Variants in RNPC3 observed in about 807,000 individuals in gnomAD.
RNPC3 encodes RNA-binding region-containing protein 3.
Under a neutral mutation model 67.5 loss-of-function variants are expected in RNPC3, and 48 were observed. That is an observed-to-expected ratio of 0.71 (90% CI 0.56 to 0.90). The LOEUF (loss-of-function observed/expected upper bound fraction) is 0.90. RNPC3 is among the 40% of genes least tolerant of loss of function. The pLI is 0.00. For missense variants in RNPC3, 637 were observed against 626.1 expected (o/e 1.02, Z -0.19); for synonymous variants, 239 against 210.3 (o/e 1.14, Z -1.18).
intron 7 of RNPC3, among the ~76,000 whole-genome samples, chr1:103,539,059 G>A (rs1348839142): frequency 2.0e-5 from 3 of 152,170 alleles, no homozygotes; most frequent in Non-Finnish European, 4.4e-5. Flanking sequence ...TACCTAATGA[G>A]TTGGTGTGGC....
intron 14 of RNPC3, chr1:103,552,762 C>T (rs1651428116): frequency 6.7e-6 from 1 of 148,408 alleles, no homozygotes; most frequent in Admixed American, 6.7e-5. Context: ...AAGACTCCAT[C>T]TCAAAAAAAA....
Position 103,526,190 on chromosome 1 carries a change from TGAG to T in RNPC3, c.124_126del (p.Glu42del). 7.1e-6 allele frequency: 11 copies of T among 1,551,458 alleles called. No individual in the cohort carries two copies. The highest frequency in any genetic ancestry group is 2.7e-5 in the African/African-American group (2 of 73,140). On this transcript the variant is annotated inframe_deletion, in exon 1 of 15. Coordinates refer to ENST00000423855, the MANE Select transcript of RNPC3 (RefSeq NM_017619.4). ...GGCACCTGCCGGCTGAGCTTACTGC[TGAG>T]GAGAAAGAGGACTTGCTGAAGTACT...
At chr1:103,530,020 C>T (rs1428127507) in intron 2 of RNPC3, among the ~76,000 whole-genome samples, 1 of 151,958 alleles carries the variant, frequency 6.6e-6, no homozygotes, top group Non-Finnish European at 1.5e-5. Context: ...CCTTATGATC[C>T]GAGATGAATC....
At position 103,541,441 on chromosome 1, in the gene RNPC3, G is replaced by C; in HGVS notation, c.859G>C (p.Asp287His). ...RHVRKKRKIK[D>H]MLNTPLCPSH... ...TGTGAGAAAAAAGAGAAAAATAAAG[G>C]ATATGTTGAATACACCTTTGTGTCC... Residue 287 changes from aspartate to histidine, a missense_variant, in exon 8 of 15, where the codon GAT becomes CAT. Asp to His is a moderately conservative substitution (Grantham distance 81). Transcript: ENST00000423855. 2 of 1,493,028 alleles carry C rather than the reference G, an allele frequency of 1.3e-6. No individual in the cohort carries two copies. Among genetic ancestry groups the C allele is most frequent in the Non-Finnish European group, 1.8e-6 (2 of 1,132,114 alleles). 92.5% of individuals were successfully genotyped at this position (1,493,028 alleles called of 1,614,324 possible).
At chr1:103,546,126 T>G (rs1651238076) in intron 10 of RNPC3, 122 bp from the exon 11 acceptor site, 2 of 439,828 alleles carry the variant, frequency 4.5e-6, no homozygotes. Context: ...AAGTGAAAAT[T>G]TTAACATTTT....
At chr1:103,539,886 A>G (rs551023480) in intron 7 of RNPC3, among the ~76,000 whole-genome samples, 3 of 152,230 alleles carry the variant, frequency 2.0e-5, no homozygotes, top group South Asian at 2.1e-4. Flanking sequence ...TTTTTAAGAC[A>G]GGGTCTTACT....
In RNPC3 at chr1:103,541,428, G is replaced by A. The variant is rs1343989997; in HGVS notation, c.846G>A (p.Lys282=). 1 of 1,493,122 alleles carries A rather than the reference G, an allele frequency of 6.7e-7. No individual in the cohort carries two copies. Among genetic ancestry groups the A allele is most frequent in the Non-Finnish European group, 8.8e-7 (1 of 1,132,820 alleles). 92.5% of individuals were successfully genotyped at this position (1,493,122 alleles called of 1,614,324 possible). A position where few individuals can be genotyped will look rare whatever the true frequency, so the allele number is the denominator to read the frequency against. The change falls in exon 8 of 15, where the codon AAG becomes AAA. Residue 282 remains lysine (K), a synonymous_variant. Transcript: ENST00000423855. The stretch of plus-strand genomic sequence containing the variant: ...TAAAGCAGCGCCATGTGAGAAAAAA[G>A]AGAAAAATAAAGGATATGTTGAATA... ...KTIKQRHVRK[K]RKIKDMLNTP...
intron 2 of RNPC3, among the ~76,000 whole-genome samples, chr1:103,531,862 GTTGCAT>G (rs1219168771): frequency 6.6e-6 from 1 of 151,976 alleles, no homozygotes; most frequent in Non-Finnish European, 1.5e-5. Context: ...CTTTGTTTTT[GTTGCAT>G]TTGCTTTTGG....
intron 6 of RNPC3, among the ~76,000 whole-genome samples, chr1:103,536,553 T>A (rs1324328550): frequency 6.6e-6 from 1 of 152,178 alleles, no homozygotes; most frequent in East Asian, 1.9e-4. Flanking sequence ...AGGGAGCTGA[T>A]ATTTTTATTA....
rs943769821 is a variant in RNPC3, at chr1:103,526,276, C to G, written c.192+14C>G. 3 of 1,514,616 alleles carry G rather than the reference C, an allele frequency of 2.0e-6. No homozygotes were observed. In the African/African-American group the frequency reaches 4.2e-5, roughly 21 times the overall value. 93.8% of individuals were successfully genotyped at this position (1,514,616 alleles called of 1,614,324 possible). A position where few individuals can be genotyped will look rare whatever the true frequency, so the allele number is the denominator to read the frequency against. ...AAGGGGCGACTGGTAAGGGCGCGCC[C>G]CTCCGGAGTCTCCCGGGAAGGCATT... On this transcript the variant is annotated intron_variant, in intron 1 of 14. Coordinates refer to ENST00000423855, the MANE Select transcript of RNPC3 (RefSeq NM_017619.4).
Position 103,537,431 on chromosome 1 carries a change from A to C in RNPC3, c.714A>C (p.Glu238Asp). The C allele has an allele frequency of 6.5e-7, 1 of 1,536,758 alleles. No individual in the cohort carries two copies. Among genetic ancestry groups the C allele is most frequent in the Non-Finnish European group, 8.7e-7 (1 of 1,146,608 alleles). ...CTCCTTTGCCAGACGAGGATGAGGA[A>C]TTATCTAGTGAAGAATCAGAATATG... ...EEPPLPDEDEELSSEESEYES... is the reference protein window; with the variant it reads ...EEPPLPDEDEDLSSEESEYES... The change falls in exon 7 of 15, where the codon GAA becomes GAC. Residue 238 changes from glutamate (E) to aspartate (D), a missense_variant. Coordinates refer to ENST00000423855, the MANE Select transcript of RNPC3 (RefSeq NM_017619.4).
chr1:103,533,650 C>CA lies in RNPC3; in HGVS notation c.241-75dup, dbSNP rs61717825. The CA allele has an allele frequency of 8.8e-3, 5,458 of 617,166 alleles. 2 individuals carry two copies. The highest frequency in any genetic ancestry group is 0.031 in the East Asian group (1,009 of 32,740). 38.2% of individuals were successfully genotyped at this position (617,166 alleles called of 1,614,324 possible). ...GTCAAGGAACTGTTTACAGCATTAG[C>CA]AAAAAAAAAAAAAAGTATAAAAATT... On this transcript the variant is annotated intron_variant, in intron 2 of 14. Transcript: ENST00000423855.
intron 4 of RNPC3, 131 bp downstream of exon 4, chr1:103,534,988 A>T: frequency 1.8e-6 from 1 of 555,874 alleles, no homozygotes; most frequent in Non-Finnish European, 3.1e-6. Context: ...ATATTGTGTT[A>T]TATACAGATA....
At chr1:103,540,480 C>T (rs981607259) in intron 7 of RNPC3, among the ~76,000 whole-genome samples, 1 of 152,058 alleles carries the variant, frequency 6.6e-6, no homozygotes, top group African/African-American at 2.4e-5. Context: ...TTTGGGTCAG[C>T]AATTTATAAA....
chr1:103,547,186 CTAGAA>C (rs771036472), intron 12 of RNPC3, among the ~76,000 whole-genome samples, 151 bp downstream of exon 12: 1 of 152,066 alleles, frequency 6.6e-6, no homozygotes, highest in African/African-American at 2.4e-5. Context: ...TTTTAGATGT[CTAGAA>C]TAGGAGTTGG....
chr1:103,536,366 C>T (rs988187404), intron 6 of RNPC3, among the ~76,000 whole-genome samples, 172 bp downstream of exon 6: 5 of 152,136 alleles, frequency 3.3e-5, no homozygotes, highest in African/African-American at 7.2e-5. Context: ...GAGTAAAAGC[C>T]GGAATATGAA....
chr1:103,543,267 A>G, intron 8 of RNPC3, 29 bp from the exon 9 acceptor site: 1 of 1,354,624 alleles, frequency 7.4e-7, no homozygotes, highest in Non-Finnish European at 9.5e-7. Flanking sequence ...TTGCAATTAC[A>G]AACTAATGCT....
intron 14 of RNPC3, chr1:103,554,083 G>A (rs1651470075): frequency 6.6e-6 from 1 of 152,248 alleles, no homozygotes; most frequent in African/African-American, 2.4e-5. Context: ...AAAGGGTGCA[G>A]TGGCTCATAC....
rs1352615773 is a variant in RNPC3, at chr1:103,545,085, G to A, written c.1190G>A (p.Gly397Asp). 5.9e-6 allele frequency: 9 copies of A among 1,531,754 alleles called. No homozygotes were observed. Among genetic ancestry groups the A allele is most frequent in the Admixed American group, 2.0e-5 (1 of 50,272 alleles). 94.9% of individuals were successfully genotyped at this position (1,531,754 alleles called of 1,614,324 possible). Residue 397 changes from glycine to aspartate, a missense_variant, in exon 10 of 15, where the codon GGC (glycine) becomes GAC (aspartate). Physicochemically the swap from Gly to Asp is moderately conservative, Grantham distance 94. Coordinates refer to ENST00000423855, the MANE Select transcript of RNPC3 (RefSeq NM_017619.4). ...ATTTCTAGAAGGGAATTGGAAAAGG[G>A]CAGAATTTCTAGAGAAGGTAATGTC... ...ECISRRELEK[G>D]RISREEMETL...
Sources: allele counts gnomAD v4.1 joint callset (sites outside exome capture counted in the v4.1 genomes callset), GRCh38; gene constraint gnomAD v4.1.1; transcripts MANE v1.5; gene names NCBI Gene and HGNC (gene_info 2026-07-23, HGNC 2026-07-21).